Variants in GDA observed in about 807,000 individuals in gnomAD.
The protein encoded by GDA is cytoplasmic PSD-95 interactor.
GDA carries 18 observed loss-of-function variants against 59.6 expected under a neutral mutation model. The ratio of observed to expected loss-of-function variants is 0.30; its 90% CI spans 0.21 to 0.45. GDA has a LOEUF of 0.45. Among genes scored for constraint, GDA ranks in the 20% least tolerant of loss-of-function variants. The pLI, the probability that GDA is intolerant of heterozygous loss-of-function variation, is 1.00. For synonymous variants in GDA, 201 were observed against 201.1 expected (o/e 1.00, Z 0.00); for missense variants, 427 against 552.3 (o/e 0.77, Z 2.27).
intron 1 of GDA, among the ~76,000 whole-genome samples, chr9:72,134,352 T>C (rs1826143025): frequency 6.6e-6 from 1 of 151,930 alleles, no homozygotes; most frequent in Non-Finnish European, 1.5e-5. Context: ...TTTGTATTTC[T>C]GAAAACTCTC....
chr9:72,231,341 C>A (rs1043373940), intron 10 of GDA, among the ~76,000 whole-genome samples, 160 bp downstream of exon 10: 6 of 151,848 alleles, frequency 4.0e-5, no homozygotes, highest in Middle Eastern at 3.2e-3. Context: ...CTTTGGGAGG[C>A]TGAGGCGGGT....
At chr9:72,198,860 T>TCTATATATATATATATATATATATATATA (rs1833562963) in intron 2 of GDA, among the ~76,000 whole-genome samples, 1 of 150,470 alleles carries the variant, frequency 6.6e-6, no homozygotes, top group Non-Finnish European at 1.5e-5. Flanking sequence ...TATATATATA[T>TCTATATATATATATATATATATATATATA]AAAATTTTTT....
At chr9:72,221,840 A>G (rs532292860) in intron 6 of GDA, among the ~76,000 whole-genome samples, 4 of 152,330 alleles carry the variant, frequency 2.6e-5, no homozygotes, top group Non-Finnish European at 4.4e-5. Context: ...TTAGTTTGCT[A>G]AGAATAATGG....
At chr9:72,135,762 C>G (rs1158598252) in intron 1 of GDA, among the ~76,000 whole-genome samples, 5 of 152,040 alleles carry the variant, frequency 3.3e-5, no homozygotes, top group African/African-American at 9.7e-5. Flanking sequence ...AGGCACCCCC[C>G]ACTATGCCTA....
At chr9:72,165,795 G>A (rs1829228198) in intron 1 of GDA, among the ~76,000 whole-genome samples, 1 of 128,988 alleles carries the variant, frequency 7.8e-6, no homozygotes, top group Non-Finnish European at 1.8e-5. Context: ...CTACTTGGGA[G>A]GCTGAGGGGG....
rs78927827 is a variant in GDA, at chr9:72,128,889, T to G, written c.-100+14056T>G. Reference sequence around the variant, plus strand: ...AGATTGGGTGGAGTCTCACTGGAGTTTTTTTTTTAGGGTGTCTGAAGTTAT... The same window carrying G: ...AGATTGGGTGGAGTCTCACTGGAGTGTTTTTTTTAGGGTGTCTGAAGTTAT... On this transcript the variant is annotated intron_variant, in intron 1 of 13. Transcript: ENST00000545168. 1.6e-3 allele frequency among the ~76,000 whole-genome samples: 243 copies of G among 151,396 alleles called. 2 individuals are homozygous for G. Among genetic ancestry groups the G allele is most frequent in the African/African-American group, 5.6e-3 (232 of 41,288 alleles).
intron 1 of GDA, among the ~76,000 whole-genome samples, chr9:72,193,416 AG>A (rs1832789008): frequency 6.6e-6 from 1 of 152,262 alleles, no homozygotes; most frequent in Admixed American, 6.5e-5. Flanking sequence ...AAGATCTGGA[AG>A]AATTCTCTGG....
chr9:72,242,664 G>C (rs1839751467), intron 11 of GDA, among the ~76,000 whole-genome samples: 1 of 152,138 alleles, frequency 6.6e-6, no homozygotes, highest in Admixed American at 6.5e-5. Context: ...CAAATACAAT[G>C]TTGTTTTTTG....
chr9:72,245,401 C>T (rs1029082853), intron 12 of GDA, 123 bp downstream of exon 12: 65 of 661,740 alleles, frequency 9.8e-5, no homozygotes, highest in South Asian at 7.2e-4. Context: ...TTAAAATGGA[C>T]GCTAGAGCCC....
At chr9:72,246,364 T>C in intron 12 of GDA, among the ~76,000 whole-genome samples, 1 of 152,204 alleles carries the variant, frequency 6.6e-6, no homozygotes, top group East Asian at 1.9e-4. Context: ...GCCAAGCTGG[T>C]CTTGAACTCC....
chr9:72,171,081 T>C (rs1829917044), intron 1 of GDA, among the ~76,000 whole-genome samples: 1 of 152,178 alleles, frequency 6.6e-6, no homozygotes, highest in Admixed American at 6.5e-5. Flanking sequence ...CCTCCCAAAG[T>C]GCTGGGATTA....
chr9:72,135,860 C>T (rs1587318611), intron 1 of GDA, among the ~76,000 whole-genome samples: 1 of 152,012 alleles, frequency 6.6e-6, no homozygotes, highest in East Asian at 2.0e-4. Context: ...ATTGACCCTC[C>T]TTGGCCTCCC....
upstream of GDA, among the ~76,000 whole-genome samples, chr9:72,145,145 T>C (rs1826582184): frequency 6.6e-6 from 1 of 152,162 alleles, no homozygotes; most frequent in Non-Finnish European, 1.5e-5. Flanking sequence ...TGACCTACGC[T>C]GATTGGATTC....
intron 1 of GDA, among the ~76,000 whole-genome samples, chr9:72,173,905 G>T (rs1830264642): frequency 1.3e-5 from 2 of 152,080 alleles, no homozygotes; most frequent in African/African-American, 2.4e-5. Context: ...TACCACCCAT[G>T]GGGTATTTCT....
intron 1 of GDA, among the ~76,000 whole-genome samples, chr9:72,128,531 A>G (rs1227435699): frequency 6.6e-6 from 1 of 152,214 alleles, no homozygotes; most frequent in Non-Finnish European, 1.5e-5. Context: ...TGGAAGATAG[A>G]TACTATTATT....
At chr9:72,196,001 G>T (rs1477940667) in intron 2 of GDA, among the ~76,000 whole-genome samples, 1 of 152,104 alleles carries the variant, frequency 6.6e-6, no homozygotes, top group East Asian at 1.9e-4. Context: ...AAGGTGGGGA[G>T]GGGTATGATA....
intron 2 of GDA, among the ~76,000 whole-genome samples, chr9:72,198,861 A>ATATATATATATATATATATATATAT (rs1491123372): frequency 4.9e-4 from 73 of 147,846 alleles, no homozygotes; most frequent in African/African-American, 1.1e-3. Flanking sequence ...ATATATATAT[A>ATATATATATATATATATATATATAT]AAATTTTTTT....
At position 72,202,730 on chromosome 9, in the gene GDA, T is replaced by C. The variant is rs368070896; in HGVS notation, c.372T>C (p.Tyr124=). 3 of 1,611,778 alleles carry C rather than the reference T, an allele frequency of 1.9e-6. No homozygotes were observed. The highest frequency in any genetic ancestry group is 1.7e-6 in the Non-Finnish European group (2 of 1,178,804). ...FQNIDFAEEV[Y]TRVVRRTLKN... ...ACATCGACTTTGCAGAAGAAGTATA[T>C]ACCAGAGTTGTCGTAAGTATCTTGT... is the stretch of plus-strand genomic sequence containing the variant. The change falls in exon 3 of 14, where the codon TAT becomes TAC. Residue 124 remains tyrosine, a synonymous_variant. Coordinates refer to ENST00000358399, the MANE Select transcript of GDA (RefSeq NM_004293.5).
At chr9:72,159,763 G>C (rs892338169) in intron 1 of GDA, among the ~76,000 whole-genome samples, 1 of 152,172 alleles carries the variant, frequency 6.6e-6, no homozygotes, top group East Asian at 1.9e-4. Flanking sequence ...TGTAGATTGG[G>C]AATGGAGATT....
Sources: gnomAD v4.1 joint callset for allele counts (sites outside exome capture counted in the v4.1 genomes callset) on GRCh38, gnomAD v4.1.1 for gene constraint, MANE v1.5 for transcripts, NCBI Gene and HGNC (gene_info 2026-07-23, HGNC 2026-07-21) for gene names.